Variants in CSPP1 observed in about 807,000 individuals in gnomAD.
CSPP1 encodes the protein centrosome and spindle pole associated protein 1, also known as centrosome and spindle pole-associated protein 1.
CSPP1 carries 126 observed loss-of-function variants against 164.4 expected under a neutral mutation model. The ratio of observed to expected loss-of-function variants is 0.77; its 90% confidence interval spans 0.66 to 0.89. The LOEUF (loss-of-function observed/expected upper bound fraction) is 0.89. CSPP1 is among the 40% of genes least tolerant of loss of function. The pLI, the probability that CSPP1 is intolerant of heterozygous loss-of-function variation, is 0.00. For synonymous variants in CSPP1, 472 were observed against 476.7 expected, an observed-to-expected ratio of 0.99 and a Z score of 0.13; for missense variants, 1,395 against 1,449.8, an observed-to-expected ratio of 0.96 and a Z score of 0.61.
chr8:67,165,171 C>T (rs1448182043), intron 24 of CSPP1, among the ~76,000 whole-genome samples: 1 of 152,116 alleles, frequency 6.6e-6, no homozygotes, highest in Non-Finnish European at 1.5e-5. Context: ...GTGGTCCCAG[C>T]TACTCAGGAG....
intron 27 of CSPP1, among the ~76,000 whole-genome samples, chr8:67,178,200 G>A (rs1832138881): frequency 6.6e-6 from 1 of 152,168 alleles, no homozygotes; most frequent in Non-Finnish European, 1.5e-5. Flanking sequence ...CAGTGTGAGT[G>A]TTTGCTGTCA....
chr8:67,095,189 T>A, intron 6 of CSPP1, 104 bp from the exon 7 acceptor site: 1 of 583,038 alleles, frequency 1.7e-6, no homozygotes. Flanking sequence ...TAAATAAACA[T>A]CAGAGTTGAA....
intron 30 of CSPP1, among the ~76,000 whole-genome samples, chr8:67,194,232 GTAA>G (rs1344333253): frequency 2.6e-5 from 4 of 152,134 alleles, no homozygotes; most frequent in South Asian, 2.1e-4. Context: ...TTTCATATTG[GTAA>G]TAATAATAGT....
rs1586106266 is a variant in CSPP1, at chr8:67,103,049, C to G, written c.936C>G (p.Asn312Lys). The change falls in exon 8 of 31, where the codon AAC becomes AAG. Residue 312 changes from asparagine to lysine, a missense_variant. Coordinates refer to ENST00000678616, the MANE Select transcript of CSPP1 (RefSeq NM_001382391.1). ...RVYTNDRMHRNKRGNMPPMEH... is the reference protein window; with the variant it reads ...RVYTNDRMHRKKRGNMPPMEH... ...ATGTGTTTTTAAGGATGCACAGGAA[C>G]AAACGAGGGAATATGCCTCCTATGG... The G allele has an allele frequency of 2.5e-6, 4 of 1,606,588 alleles. No homozygotes were observed. The highest frequency in any genetic ancestry group is 3.4e-6 in the Non-Finnish European group (4 of 1,173,404).
intron 3 of CSPP1, among the ~76,000 whole-genome samples, chr8:67,083,395 G>C (rs907322637): frequency 1.3e-5 from 2 of 151,274 alleles, no homozygotes; most frequent in African/African-American, 4.9e-5. Flanking sequence ...AGCCAGGTGT[G>C]GTGGCAGGTG....
At chr8:67,121,380 G>A (rs1013221224) in intron 15 of CSPP1, among the ~76,000 whole-genome samples, 19 of 152,034 alleles carry the variant, frequency 1.2e-4, no homozygotes, top group African/African-American at 4.3e-4. Flanking sequence ...GAGTTTTAAC[G>A]ATGCAAGTGT....
rs769527750 is a variant in CSPP1 at position 67,131,654 on chromosome 8, C to T, written c.1698-297C>T. ...TATTATTTCTGTTTGTTCAGGAAGC[C>T]GCCTAAGTCATATGTGTACTGTTCA... On this transcript the variant is annotated intron_variant, in intron 15 of 30. Coordinates refer to ENST00000678616, the MANE Select transcript of CSPP1 (RefSeq NM_001382391.1). 8.5e-5 allele frequency among the ~76,000 whole-genome samples: 13 copies of T among 152,146 alleles called. No homozygotes were observed. In the South Asian group the frequency reaches 1.2e-3, roughly 15 times the overall value.
chr8:67,076,495 C>T lies in CSPP1; in HGVS notation c.113C>T (p.Ala38Val), dbSNP rs201536815. 8.2e-5 allele frequency: 130 copies of T among 1,580,392 alleles called. No homozygotes were observed. The highest frequency in any genetic ancestry group is 1.0e-4 in the Non-Finnish European group (120 of 1,166,550). ...TGTCTCTTTCAGGGAAAGTTGTCAGCGAAGCTTTCTGAAAACAGTAAGATA... is the reference window on the plus strand; with the variant it reads ...TGTCTCTTTCAGGGAAAGTTGTCAGTGAAGCTTTCTGAAAACAGTAAGATA... Reference protein sequence around the residue: ...PYMEMKGKLSAKLSENSKILI... With the variant: ...PYMEMKGKLSVKLSENSKILI... The change falls in exon 3 of 31, where the codon GCG becomes GTG. Residue 38 changes from alanine to valine, a missense_variant. Ala to Val is a moderately conservative substitution (Grantham distance 64). Coordinates refer to ENST00000678616, the MANE Select transcript of CSPP1 (RefSeq NM_001382391.1).
rs1822579573 is a variant in CSPP1 at position 67,137,471 on chromosome 8, G to C, written c.1843G>C (p.Glu615Gln). 6.6e-7 allele frequency: 1 copy of C among 1,523,932 alleles called. No homozygotes were observed. Among genetic ancestry groups the C allele is most frequent in the Admixed American group, 1.9e-5 (1 of 52,098 alleles). 94.4% of individuals were successfully genotyped at this position (1,523,932 alleles called of 1,614,324 possible). ...TGTTGTCAAGATTCGGGAAAGAGAA[G>C]AAAGAAGGAAGAAAGAACGTGAAGA... ...ALQQQIRERE[E>Q]RRKKEREEKE... The change falls in exon 17 of 31, where the codon GAA becomes CAA. Residue 615 changes from glutamate (E) to glutamine (Q), a missense_variant. By Grantham distance (29) the Glu-to-Gln change is conservative. Transcript: ENST00000678616.
chr8:67,095,027 G>C (rs982019596), intron 6 of CSPP1, among the ~76,000 whole-genome samples: 7 of 152,130 alleles, frequency 4.6e-5, no homozygotes, highest in Admixed American at 2.6e-4. Flanking sequence ...CCGTTTTGTT[G>C]CATAGTAATG....
chr8:67,112,088 A>C (rs758221178), intron 10 of CSPP1, 23 bp downstream of exon 10: 14 of 1,552,386 alleles, frequency 9.0e-6, no homozygotes, highest in Admixed American at 1.7e-5. Flanking sequence ...TTGCATTTAA[A>C]AGAGATATTT....
intron 2 of CSPP1, among the ~76,000 whole-genome samples, chr8:67,075,579 T>G (rs1420180763): frequency 6.6e-6 from 1 of 152,210 alleles, no homozygotes; most frequent in Non-Finnish European, 1.5e-5. Context: ...TGAGGCAAGT[T>G]AAGTAATGAG....
At chr8:67,158,909 T>A in intron 20 of CSPP1, 82 bp from the exon 21 acceptor site, 1 of 1,151,882 alleles carries the variant, frequency 8.7e-7, no homozygotes, top group Non-Finnish European at 1.2e-6. Flanking sequence ...TATCTCATTT[T>A]ATCAGATAAA....
At chr8:67,078,425 T>A (rs962495137) in intron 3 of CSPP1, among the ~76,000 whole-genome samples, 1 of 152,008 alleles carries the variant, frequency 6.6e-6, no homozygotes, top group Non-Finnish European at 1.5e-5. Context: ...CACTGCAACC[T>A]CCACTGTCCA....
chr8:67,159,957 C>CCTTCCTTCTTTTCTTTTCTTTTCTTTTCT (rs1554605789), intron 21 of CSPP1, among the ~76,000 whole-genome samples: 2 of 20,018 alleles, frequency 1.0e-4, no homozygotes, highest in Admixed American at 5.8e-4. Context: ...TTCCTTCCTT[C>CCTTCCTTCTTTTCTTTTCTTTTCTTTTCT]TTTCTTTTCT....
At chr8:67,134,685 G>A (rs913498559) in intron 16 of CSPP1, 6 of 150,122 alleles carry the variant, frequency 4.0e-5, no homozygotes, top group East Asian at 2.0e-4. Flanking sequence ...TCAGCTTCCC[G>A]AATAGCTGGG....
chr8:67,074,219 G>T, intron 1 of CSPP1, 24 bp from the exon 2 acceptor site: 1 of 1,370,438 alleles, frequency 7.3e-7, no homozygotes, highest in Non-Finnish European at 1.0e-6. Context: ...ATATAGATAC[G>T]CTCACTGAAA....
intron 16 of CSPP1, 97 bp from the exon 17 acceptor site, chr8:67,137,350 ATTTTTTTGC>A: frequency 1.1e-6 from 1 of 923,060 alleles, no homozygotes; most frequent in Non-Finnish European, 1.5e-6. Flanking sequence ...AAAAAAGCAA[ATTTTTTTGC>A]TTGTTTTCTA....
At chr8:67,093,707 A>G in intron 6 of CSPP1, 66 bp downstream of exon 6, 1 of 921,980 alleles carries the variant, frequency 1.1e-6, no homozygotes, top group Non-Finnish European at 1.7e-6. Context: ...TGTACTTGAA[A>G]AGCTTTTTCT....
Sources: gnomAD v4.1 joint callset for allele counts (sites outside exome capture counted in the v4.1 genomes callset) on GRCh38, gnomAD v4.1.1 for gene constraint, MANE v1.5 for transcripts, NCBI Gene and HGNC (gene_info 2026-07-23, HGNC 2026-07-21) for gene names.